The following CIITA variants were observed in gnomAD, a reference collection of about 807,000 sequenced individuals.
CIITA encodes the protein class II major histocompatibility complex transactivator, also known as MHC class II transactivator.
Under a neutral mutation model 115.1 loss-of-function variants are expected in CIITA, and 72 were observed. That is an observed-to-expected ratio of 0.63 (90% confidence interval 0.52 to 0.76). The LOEUF (loss-of-function observed/expected upper bound fraction) is 0.76, where lower values mean the gene tolerates loss of function less well. CIITA is among the 30% of genes least tolerant of loss of function. The probability of loss-of-function intolerance (pLI) is 0.00; values close to 1 mark genes in which losing one functional copy is unlikely to be tolerated. For missense variants in CIITA, 1,617 were observed against 1,463.8 expected (o/e 1.10, Z -1.71); for synonymous variants, 763 against 635.6 (o/e 1.20, Z -3.02).
rs1479277773 is a variant in CIITA at position 10,870,168 on chromosome 16, G to A, written c.-21+3849G>A. 4.3e-4 allele frequency among the ~76,000 whole-genome samples: 17 copies of A among 39,946 alleles called. No homozygotes were observed. The East Asian group carries it at 8.5e-3, about 20-fold the overall frequency. The allele number at this position is 39,946 out of a possible 152,430, so 26.2% of individuals were successfully genotyped here. A position where few individuals can be genotyped will look rare whatever the true frequency, so the allele number is the denominator to read the frequency against. On this transcript the variant is annotated intron_variant, in intron 1 of 5. Coordinates refer to the CIITA transcript ENST00000636238. ...GTCCTGGCCAATTGCAGTACTTCCT[G>A]CAAAAAAAAAAAAAAAAAAAAAAAA...
downstream of CIITA, chr16:10,939,497 T>C (rs768276016): frequency 6.6e-6 from 1 of 152,288 alleles, no homozygotes; most frequent in Non-Finnish European, 1.5e-5. This position sits in a 1 kb window ranked among gnomAD's most constrained non-coding sequence, Gnocchi z 4.9. Flanking sequence ...GGGCCTCCTT[T>C]TGGTTGCGGA....
intron 16 of CIITA, 133 bp from the exon 17 acceptor site, chr16:10,922,034 G>C: frequency 2.5e-6 from 2 of 805,314 alleles, no homozygotes; most frequent in Middle Eastern, 2.3e-4. Flanking sequence ...AGGCTCTGTT[G>C]TGCAATAAAT....
rs767462528 is a variant in CIITA at position 10,908,184 on chromosome 16, T to C, written c.2657+35T>C. The C allele has an allele frequency of 7.1e-6, 11 of 1,550,844 alleles. No individual in the cohort carries two copies. In the South Asian group the frequency reaches 1.3e-4, roughly 18 times the overall value. On this transcript the variant is annotated intron_variant, in intron 11 of 19. Transcript: ENST00000324288. ...GGGGCTTGGGGAAGAGACATCCTTG[T>C]GTTGGGCATTAACTGCGGTCTTGGT...
rs2041104678 is a variant in CIITA, at chr16:10,941,707, C to T, written n.833C>T. ...GATCGTGTAGGGAAGAGGGGAACAG[C>T]AGTCGAGACCCTACTCCAAGTACGC... is the stretch of plus-strand genomic sequence containing the variant. On this transcript the variant is annotated non_coding_transcript_exon_variant, in exon 2 of 2. Coordinates refer to the CIITA transcript ENST00000573379. This position sits in a 1 kb window ranked among gnomAD's most constrained non-coding sequence, Gnocchi z 6.4. 3 of 1,596,624 alleles carry T rather than the reference C, an allele frequency of 1.9e-6. No individual in the cohort carries two copies. The highest frequency in any genetic ancestry group is 2.6e-6 in the Non-Finnish European group (3 of 1,170,488).
In CIITA at chr16:10,930,838, C is replaced by T. The variant is rs1031796951; in HGVS notation, c.*6983C>T. The T allele has an allele frequency of 2.0e-5, 3 of 152,258 alleles. No homozygotes were observed. Among genetic ancestry groups the T allele is most frequent in the African/African-American group, 7.2e-5 (3 of 41,472 alleles). 9.4% of individuals were successfully genotyped at this position (152,258 alleles called of 1,614,324 possible). ...CTCCAGAGCCTGCTTGGTCCTCAGGCTGTAAGTGCAGGCAGAGCTAATGTC... is the reference window on the plus strand; with the variant it reads ...CTCCAGAGCCTGCTTGGTCCTCAGGTTGTAAGTGCAGGCAGAGCTAATGTC... On this transcript the variant is annotated 3_prime_UTR_variant, in exon 20 of 20. Coordinates refer to ENST00000324288, the MANE Select transcript of CIITA (RefSeq NM_000246.4).
At chr16:10,900,578 A>G (rs1264139756) in intron 5 of CIITA, among the ~76,000 whole-genome samples, 1 of 151,978 alleles carries the variant, frequency 6.6e-6, no homozygotes. Flanking sequence ...CATCTCTACT[A>G]AAAATACAAA....
rs1186871359 is a variant in CIITA at position 10,901,131 on chromosome 16, A to G, written c.437-383A>G. ...TCACTGATTTCTGGCATACTCCTGC[A>G]ATGTAGGAACCACCACCCCCATTTC... On this transcript the variant is annotated intron_variant, in intron 5 of 19. Transcript: ENST00000324288. The surrounding 1 kb of genome is among the most constrained non-coding windows in gnomAD (Gnocchi z 6.8). Among the ~76,000 whole-genome samples, 1 of 152,182 alleles carries G rather than the reference A, an allele frequency of 6.6e-6. No individual in the cohort carries two copies. The highest frequency in any genetic ancestry group is 1.5e-5 in the Non-Finnish European group (1 of 68,030).
chr16:10,886,375 C>T (rs2036953906), intron 1 of CIITA, among the ~76,000 whole-genome samples: 1 of 152,178 alleles, frequency 6.6e-6, no homozygotes, highest in East Asian at 1.9e-4. Flanking sequence ...GTCCACACCC[C>T]CAGTGATGGA....
intron 1 of CIITA, among the ~76,000 whole-genome samples, chr16:10,884,498 T>A (rs1347245803): frequency 1.3e-5 from 2 of 152,182 alleles, no homozygotes; most frequent in East Asian, 3.8e-4. Flanking sequence ...CACTGCAGCC[T>A]CAAGCTCCTG....
chr16:10,889,423 G>A (rs1160819984), intron 1 of CIITA, among the ~76,000 whole-genome samples: 7 of 152,132 alleles, frequency 4.6e-5, no homozygotes, highest in Non-Finnish European at 7.3e-5. Flanking sequence ...TAATGTAATG[G>A]GCTTCCTTTG....
intron 15 of CIITA, chr16:10,916,990 C>T (rs549050981): frequency 9.7e-5 from 24 of 248,148 alleles, no homozygotes; most frequent in Non-Finnish European, 1.7e-4. Context: ...GTAAACAAGT[C>T]GGTAATTATA....
rs73499481 is a variant in CIITA at position 10,888,002 on chromosome 16, C to T, written c.53-7280C>T. ...AATAACAACAATCTCCCAGAGTTGC[C>T]GTTAACAGTTGAAACAGAATAGTAA... is the stretch of plus-strand genomic sequence containing the variant. On this transcript the variant is annotated intron_variant, in intron 1 of 19. Transcript: ENST00000324288. Among the ~76,000 whole-genome samples, 949 of 152,302 alleles carry T rather than the reference C, an allele frequency of 6.2e-3. 7 individuals are homozygous for T. The highest frequency in any genetic ancestry group is 0.021 in the African/African-American group (862 of 41,538).
At position 10,923,203 on chromosome 16, in the gene CIITA, C is replaced by G. The variant is rs778285760; in HGVS notation, c.3318-25C>G. On this transcript the variant is annotated intron_variant, in intron 18 of 19. Coordinates refer to ENST00000324288, the MANE Select transcript of CIITA (RefSeq NM_000246.4). This position sits in a 1 kb window ranked among gnomAD's most constrained non-coding sequence, Gnocchi z 5.2. ...GGCCGCCCTCTCTCCTCTAACCTGG[C>G]TCTGAGTCCCATCCCCCCTTGCAGG... The G allele has an allele frequency of 6.2e-7, 1 of 1,609,644 alleles. No individual in the cohort carries two copies. The highest frequency in any genetic ancestry group is 8.5e-7 in the Non-Finnish European group (1 of 1,178,126).
At position 10,909,196 on chromosome 16, in the gene CIITA, A is replaced by G. The variant is rs2039386253; in HGVS notation, c.2816+9A>G. The G allele has an allele frequency of 1.2e-6, 2 of 1,613,904 alleles. No individual in the cohort carries two copies. The highest frequency in any genetic ancestry group is 1.7e-5 in the Admixed American group (1 of 60,008). On this transcript the variant is annotated intron_variant, in intron 12 of 19. Coordinates refer to ENST00000324288, the MANE Select transcript of CIITA (RefSeq NM_000246.4). Reference sequence around the variant, plus strand: ...CTTGTGCAGACTCAGAGGTGAGAGGAGAGGCGGATGGGAGGTGGTTCACGC... The same window carrying G: ...CTTGTGCAGACTCAGAGGTGAGAGGGGAGGCGGATGGGAGGTGGTTCACGC...
rs538652410 is a variant in CIITA at position 10,942,681 on chromosome 16, G to A, written n.1807G>A. On this transcript the variant is annotated non_coding_transcript_exon_variant, in exon 2 of 2. Coordinates refer to the CIITA transcript ENST00000573379. This position sits in a 1 kb window ranked among gnomAD's most constrained non-coding sequence, Gnocchi z 5.0. ...CGAATTCGCTCTGCGTATCGAATAG[G>A]GGGAGGTAAAAGAGACTGAACACAG... The A allele has an allele frequency of 7.9e-5, 12 of 152,414 alleles. No homozygotes were observed. The East Asian group carries it at 2.3e-3, about 29-fold the overall frequency. The allele number at this position is 152,414 out of a possible 1,614,324, so 9.4% of individuals were successfully genotyped here.
intron 3 of CIITA, 82 bp from the exon 4 acceptor site, chr16:10,898,588 G>T: frequency 7.6e-7 from 1 of 1,313,640 alleles, no homozygotes; most frequent in Non-Finnish European, 1.1e-6. Context: ...CAGGCCCAGA[G>T]GTTCCCCAGC....
At position 10,908,102 on chromosome 16, in the gene CIITA, C is replaced by T. The variant is rs1025580450; in HGVS notation, c.2610C>T (p.Pro870=). 4 of 1,600,566 alleles carry T rather than the reference C, an allele frequency of 2.5e-6. No individual in the cohort carries two copies. The African/African-American group carries it at 5.4e-5, about 21-fold the overall frequency. Reference sequence around the variant, plus strand: ...ACCTCCGCAGCACTGGCATTTGCCCCTCTGGATTGGGGAGCCTCGTGGGAC... The same window carrying T: ...ACCTCCGCAGCACTGGCATTTGCCCTTCTGGATTGGGGAGCCTCGTGGGAC... ...SLDLRSTGIC[P]SGLGSLVGLS... is the part of the protein sequence containing the mutation. Residue 870 remains proline (P), a synonymous_variant, in exon 11 of 20, where the codon CCC becomes CCT. Coordinates refer to ENST00000324288, the MANE Select transcript of CIITA (RefSeq NM_000246.4).
At chr16:10,886,444 G>A (rs1473418404) in intron 1 of CIITA, among the ~76,000 whole-genome samples, 1 of 152,188 alleles carries the variant, frequency 6.6e-6, no homozygotes, top group African/African-American at 2.4e-5. Flanking sequence ...ACCATCCTCA[G>A]ATGGGTTCTC....
intron 13 of CIITA, among the ~76,000 whole-genome samples, chr16:10,911,134 A>C (rs1339980910): frequency 1.3e-5 from 2 of 152,152 alleles, no homozygotes; most frequent in Non-Finnish European, 1.5e-5. Context: ...AGCCCACCAT[A>C]CATGGGCCCC....
Sources: gnomAD v4.1 joint callset for allele counts (sites outside exome capture counted in the v4.1 genomes callset) on GRCh38, gnomAD v4.1.1 for gene constraint, Gnocchi (gnomAD v3.1) non-coding constraint, MANE v1.5 for transcripts, NCBI Gene and HGNC (gene_info 2026-07-23, HGNC 2026-07-21) for gene names.